Variants in WAPL observed in about 807,000 individuals in gnomAD.
The protein encoded by WAPL is WAPL cohesin release factor, also known as wings apart-like protein homolog.
WAPL carries 5 observed loss-of-function variants against 121.0 expected under a neutral mutation model. That is an observed-to-expected ratio of 0.04 (90% CI 0.02 to 0.09). WAPL has a LOEUF of 0.09. Ranked by LOEUF, WAPL falls within the 10% of genes least tolerant of loss-of-function variation. The probability of loss-of-function intolerance (pLI) is 1.00; values close to 1 mark genes in which losing one functional copy is unlikely to be tolerated. For missense variants in WAPL, 999 were observed against 1,410.8 expected (o/e 0.71, Z 4.68); for synonymous variants, 480 against 481.5 (o/e 1.00, Z 0.04).
chr10:86,502,178 G>A (rs756340155), intron 2 of WAPL, among the ~76,000 whole-genome samples: 16 of 152,092 alleles, frequency 1.1e-4, no homozygotes, highest in Non-Finnish European at 2.4e-4. Context: ...ACTGTTTCCT[G>A]GTTTTTGCTT....
At chr10:86,494,478 T>C (rs1183208981) in intron 4 of WAPL, among the ~76,000 whole-genome samples, 3 of 152,214 alleles carry the variant, frequency 2.0e-5, no homozygotes, top group African/African-American at 4.8e-5. Context: ...CTTGAAGTAT[T>C]TGCTTCCAAT....
At chr10:86,465,882 T>C (rs747875807) in intron 9 of WAPL, among the ~76,000 whole-genome samples, 11 of 152,220 alleles carry the variant, frequency 7.2e-5, no homozygotes, top group Non-Finnish European at 1.6e-4. Flanking sequence ...TTATAGAGTT[T>C]TGATGTTGGA....
At chr10:86,438,494 T>C (rs2132160844) in intron 17 of WAPL, among the ~76,000 whole-genome samples, 1 of 152,318 alleles carries the variant, frequency 6.6e-6, no homozygotes, top group African/African-American at 2.4e-5. Flanking sequence ...GCTCAAGTAA[T>C]CCACGCACCT....
chr10:86,465,187 CTT>C (rs1480860046), intron 9 of WAPL, among the ~76,000 whole-genome samples: 1 of 151,972 alleles, frequency 6.6e-6, no homozygotes, highest in East Asian at 1.9e-4. Context: ...GTTTTTTTGT[CTT>C]TTGTTTGTTT....
chr10:86,502,092 A>C (rs1440922405), intron 2 of WAPL, among the ~76,000 whole-genome samples: 1 of 152,260 alleles, frequency 6.6e-6, no homozygotes, highest in African/African-American at 2.4e-5. Context: ...TGAAGCCAGC[A>C]GTTTCATTTA....
chr10:86,457,448 T>C (rs1841176823), intron 12 of WAPL, among the ~76,000 whole-genome samples: 1 of 149,880 alleles, frequency 6.7e-6, no homozygotes, highest in Non-Finnish European at 1.5e-5. Context: ...AGGTCAGGAG[T>C]TCGAGACCAG....
At chr10:86,440,800 T>C (rs996020144) in intron 17 of WAPL, among the ~76,000 whole-genome samples, 2 of 151,618 alleles carry the variant, frequency 1.3e-5, no homozygotes, top group African/African-American at 2.4e-5. Flanking sequence ...GGCTGTTGTA[T>C]TTAGGTTAGT....
chr10:86,518,263 T>C (rs1362917789), intron 1 of WAPL, among the ~76,000 whole-genome samples, 172 bp from the exon 2 acceptor site: 4 of 152,230 alleles, frequency 2.6e-5, no homozygotes, highest in Non-Finnish European at 4.4e-5. Context: ...TTTATTACCC[T>C]ACATGCTTCC....
chr10:86,463,245 C>T (rs1420576445), intron 9 of WAPL, among the ~76,000 whole-genome samples: 1 of 152,206 alleles, frequency 6.6e-6, no homozygotes, highest in African/African-American at 2.4e-5. Context: ...GAGCTGAGAT[C>T]GTGCTACTGC....
At chr10:86,484,832 G>C (rs1035912374) in intron 4 of WAPL, among the ~76,000 whole-genome samples, 12 of 151,848 alleles carry the variant, frequency 7.9e-5, no homozygotes, top group African/African-American at 2.9e-4. Flanking sequence ...ATACCATATA[G>C]CCTAGGTGTG....
At chr10:86,464,916 G>A (rs1039605950) in intron 9 of WAPL, among the ~76,000 whole-genome samples, 2 of 152,192 alleles carry the variant, frequency 1.3e-5, no homozygotes, top group African/African-American at 2.4e-5. Context: ...TCATTGATTT[G>A]CCATCTGGGC....
At chr10:86,465,345 A>G (rs1474794194) in intron 9 of WAPL, among the ~76,000 whole-genome samples, 3 of 152,122 alleles carry the variant, frequency 2.0e-5, no homozygotes, top group African/African-American at 7.2e-5. Flanking sequence ...AGCTGGGAAT[A>G]CAGGCACCCA....
intron 2 of WAPL, 132 bp from the exon 3 acceptor site, chr10:86,500,875 A>G: frequency 1.3e-6 from 1 of 796,122 alleles, no homozygotes; most frequent in Non-Finnish European, 1.9e-6. Flanking sequence ...GTTGTGAAGA[A>G]ATTAACATTT....
rs200412825 is a variant in WAPL at position 86,456,002 on chromosome 10, T to C, written c.2658-2171A>G. On this transcript the variant is annotated intron_variant, in intron 12 of 18. Coordinates refer to ENST00000298767, the MANE Select transcript of WAPL (RefSeq NM_015045.5). ...AGAGAAATTGGATTTACTAGTTGAA[T>C]GTTTTTCTCTTCCTCTGGCCACAAA... Among the ~76,000 whole-genome samples, 41 of 152,326 alleles carry C rather than the reference T, an allele frequency of 2.7e-4. No homozygotes were observed. In the East Asian group the frequency reaches 7.3e-3, roughly 27 times the overall value.
At chr10:86,517,060 T>C (rs1295269199) in intron 2 of WAPL, among the ~76,000 whole-genome samples, 1 of 151,946 alleles carries the variant, frequency 6.6e-6, no homozygotes, top group East Asian at 1.9e-4. Context: ...AAAAAAAAAA[T>C]CTATCAATAC....
At chr10:86,498,342 T>C (rs186611033) in intron 3 of WAPL, among the ~76,000 whole-genome samples, 4 of 152,340 alleles carry the variant, frequency 2.6e-5, no homozygotes, top group African/African-American at 9.6e-5. Context: ...GTAAGGCTGC[T>C]GCAAATTTCC....
chr10:86,443,557 T>C, intron 16 of WAPL, 194 bp from the exon 17 acceptor site: 1 of 490,328 alleles, frequency 2.0e-6, no homozygotes, highest in African/African-American at 1.9e-5. Flanking sequence ...GCTGAAACCA[T>C]AAAACTTTTA....
At chr10:86,489,010 C>A (rs1453302401) in intron 4 of WAPL, among the ~76,000 whole-genome samples, 2 of 152,204 alleles carry the variant, frequency 1.3e-5, no homozygotes, top group Non-Finnish European at 2.9e-5. Flanking sequence ...TAAGTACCAC[C>A]TGATGTGATG....
intron 15 of WAPL, among the ~76,000 whole-genome samples, chr10:86,449,487 C>A (rs993271146): frequency 6.6e-6 from 1 of 152,160 alleles, no homozygotes; most frequent in Non-Finnish European, 1.5e-5. Flanking sequence ...TAGGATGATA[C>A]CCTGAAGGAC....
Sources: allele counts gnomAD v4.1 joint callset (sites outside exome capture counted in the v4.1 genomes callset), GRCh38; gene constraint gnomAD v4.1.1; transcripts MANE v1.5; gene names NCBI Gene and HGNC (gene_info 2026-07-23, HGNC 2026-07-21).